The following RARB variants were observed in gnomAD, a reference collection of about 807,000 sequenced individuals.
RARB encodes the protein HBV-activated protein.
A neutral mutation model predicts 51.9 loss-of-function variants in RARB; 17 were observed. The observed-to-expected ratio is 0.33, with a 90% CI of 0.22 to 0.49. The LOEUF (loss-of-function observed/expected upper bound fraction) is 0.49, where lower values mean the gene tolerates loss of function less well. RARB is among the 20% of genes least tolerant of loss of function. RARB has a pLI of 0.99. For missense variants in RARB, 369 were observed against 550.8 expected (o/e 0.67, Z 3.30); for synonymous variants, 215 against 195.4 (o/e 1.10, Z -0.84).
At chr3:25,118,752 G>A (rs1699731637) in intron 3 of RARB, among the ~76,000 whole-genome samples, 1 of 152,056 alleles carries the variant, frequency 6.6e-6, no homozygotes, top group African/African-American at 2.4e-5. Flanking sequence ...GCTTAGCAAT[G>A]AGCCATAGGA....
chr3:25,407,771 T>C (rs200771053), intron 5 of RARB, among the ~76,000 whole-genome samples: 5 of 140,514 alleles, frequency 3.6e-5, no homozygotes, highest in East Asian at 4.2e-4. Flanking sequence ...TTTTTTTTTT[T>C]CCTGGCCATG....
At chr3:25,089,193 G>C (rs1039093886) in intron 3 of RARB, among the ~76,000 whole-genome samples, 1 of 150,916 alleles carries the variant, frequency 6.6e-6, no homozygotes, top group Admixed American at 6.6e-5. Context: ...ATTTATTTTT[G>C]GTTTATTTTG....
intron 2 of RARB, among the ~76,000 whole-genome samples, chr3:24,918,809 T>G (rs967443519): frequency 6.6e-6 from 1 of 152,174 alleles, no homozygotes; most frequent in African/African-American, 2.4e-5. Context: ...GAGAATTGCT[T>G]GAACCCAGGA....
chr3:24,994,214 G>A (rs986972266), intron 2 of RARB, among the ~76,000 whole-genome samples: 15 of 152,116 alleles, frequency 9.9e-5, no homozygotes, highest in African/African-American at 3.4e-4. Flanking sequence ...AGGGTGAGAT[G>A]ATACCTCATT....
rs555612029 is a variant in RARB at position 25,533,289 on chromosome 3, T to A, written c.448+31966T>A. ...TTCTGTAAATGTGGTTATGTTTTGC[T>A]AGCCCTGAAAAAATATGAAATCCCA... On this transcript the variant is annotated intron_variant, in intron 3 of 7. Coordinates refer to ENST00000330688, the MANE Select transcript of RARB (RefSeq NM_000965.5). Among the ~76,000 whole-genome samples the A allele has an allele frequency of 2.4e-3, 360 of 152,334 alleles. 1 individual carries two copies. The highest frequency in any genetic ancestry group is 3.1e-3 in the Non-Finnish European group (208 of 68,026).
intron 3 of RARB, among the ~76,000 whole-genome samples, chr3:25,539,532 C>CTTTT (rs56693487): frequency 1.7e-4 from 17 of 102,370 alleles, no homozygotes; most frequent in African/African-American, 4.8e-4. Context: ...CTCTCTCTCT[C>CTTTT]TTTTTTTTTT....
At chr3:25,049,388 G>C (rs1409082043) in intron 2 of RARB, among the ~76,000 whole-genome samples, 1 of 152,188 alleles carries the variant, frequency 6.6e-6, no homozygotes, top group Non-Finnish European at 1.5e-5. Context: ...AGGGTTCTAG[G>C]AATTTCAGCA....
intron 5 of RARB, among the ~76,000 whole-genome samples, chr3:25,373,825 T>C (rs1706376847): frequency 6.6e-6 from 1 of 152,156 alleles, no homozygotes; most frequent in Admixed American, 6.6e-5. Context: ...CATTTGTCTT[T>C]GTCTTGGCTG....
chr3:24,979,828 G>T (rs1696603893), intron 2 of RARB, among the ~76,000 whole-genome samples: 1 of 152,038 alleles, frequency 6.6e-6, no homozygotes, highest in African/African-American at 2.4e-5. Flanking sequence ...GATGCTAGTT[G>T]GTTATTTCAC....
intron 1 of RARB, among the ~76,000 whole-genome samples, chr3:25,432,306 A>T (rs1263989524): frequency 6.6e-6 from 1 of 152,222 alleles, no homozygotes; most frequent in African/African-American, 2.4e-5. Context: ...CATGTGTTTA[A>T]ATTTTATTGC....
chr3:25,309,486 CTTTTTTTTTTTTTTTTT>C (rs149976069), intron 5 of RARB, among the ~76,000 whole-genome samples: 1 of 58,048 alleles, frequency 1.7e-5, no homozygotes, highest in Admixed American at 2.2e-4. Flanking sequence ...CTCATAGTTG[CTTTTTTTTTTTTTTTTT>C]TTTTTTTTTT....
intron 1 of RARB, among the ~76,000 whole-genome samples, chr3:25,453,897 C>A (rs1373426246): frequency 1.3e-5 from 2 of 152,222 alleles, no homozygotes; most frequent in Non-Finnish European, 2.9e-5. Flanking sequence ...AATCTTGGAG[C>A]TGCTTAATAA....
chr3:24,947,729 G>C (rs1695805200), intron 2 of RARB, among the ~76,000 whole-genome samples: 1 of 152,182 alleles, frequency 6.6e-6, no homozygotes, highest in Non-Finnish European at 1.5e-5. Flanking sequence ...AGTGTGCGAA[G>C]AAGGGAGGAA....
intron 3 of RARB, among the ~76,000 whole-genome samples, chr3:25,069,024 A>AC (rs1553629411): frequency 1.9e-4 from 29 of 151,866 alleles, no homozygotes; most frequent in South Asian, 4.2e-4. Flanking sequence ...AAAAAAAAAA[A>AC]ACACACACAC....
At chr3:25,084,285 T>G (rs1699064057) in intron 3 of RARB, among the ~76,000 whole-genome samples, 1 of 152,214 alleles carries the variant, frequency 6.6e-6, no homozygotes, top group African/African-American at 2.4e-5. Context: ...CTCATGTGTT[T>G]CCCTTTCCTC....
At chr3:25,195,990 T>G (rs1477648655) in intron 5 of RARB, among the ~76,000 whole-genome samples, 2 of 152,070 alleles carry the variant, frequency 1.3e-5, no homozygotes, top group Admixed American at 1.3e-4. Flanking sequence ...TTTGTTCCTC[T>G]GCTTCGAGTC....
chr3:25,011,377 A>C (rs1373747538), intron 2 of RARB, among the ~76,000 whole-genome samples: 1 of 152,138 alleles, frequency 6.6e-6, no homozygotes, highest in East Asian at 1.9e-4. Flanking sequence ...TGAGGGAGCA[A>C]ACCATGTACT....
intron 2 of RARB, among the ~76,000 whole-genome samples, chr3:25,028,369 G>T (rs1447124780): frequency 6.6e-6 from 1 of 152,164 alleles, no homozygotes; most frequent in East Asian, 1.9e-4. Flanking sequence ...CTTTATGCCG[G>T]TGGTTCCCAA....
chr3:25,546,612 A>G (rs868101064), intron 3 of RARB, among the ~76,000 whole-genome samples: 17 of 151,974 alleles, frequency 1.1e-4, no homozygotes, highest in African/African-American at 2.4e-4. Flanking sequence ...GAGAAAAGCT[A>G]TTTTCTTTTG....
Sources: allele counts gnomAD v4.1 joint callset (sites outside exome capture counted in the v4.1 genomes callset), GRCh38; gene constraint gnomAD v4.1.1; transcripts MANE v1.5; gene names NCBI Gene and HGNC (gene_info 2026-07-23, HGNC 2026-07-21).